The following NMD3 variants were observed in gnomAD, a reference collection of about 807,000 sequenced individuals.
The protein encoded by NMD3 is NMD3 ribosome export adaptor.
In NMD3, 47 loss-of-function variants were observed where a neutral mutation model predicts 73.1. The ratio of observed to expected loss-of-function variants is 0.64; its 90% CI spans 0.51 to 0.82. The LOEUF (loss-of-function observed/expected upper bound fraction) is 0.82. Ranked by LOEUF, NMD3 falls within the 40% of genes least tolerant of loss-of-function variation. The probability of loss-of-function intolerance (pLI) is 0.00; values close to 1 mark genes in which losing one functional copy is unlikely to be tolerated. For synonymous variants in NMD3, 210 were observed against 194.5 expected, an observed-to-expected ratio of 1.08 and a Z score of -0.66; for missense variants, 554 against 612.5, an observed-to-expected ratio of 0.90 and a Z score of 1.01.
downstream of NMD3, chr3:161,252,956 G>A (rs748555364): frequency 1.0e-5 from 5 of 479,774 alleles, no homozygotes; most frequent in African/African-American, 2.0e-5. Context: ...AAAATTATCC[G>A]GGCGTGGTGG....
intron 5 of NMD3, among the ~76,000 whole-genome samples, chr3:161,234,368 A>G (rs1468319971): frequency 6.6e-6 from 1 of 151,748 alleles, no homozygotes; most frequent in African/African-American, 2.4e-5. Context: ...CAGAAGTTGC[A>G]GTGAACCAAG....
At chr3:161,222,119 T>C in intron 2 of NMD3, 62 bp downstream of exon 2, 2 of 1,367,190 alleles carry the variant, frequency 1.5e-6, no homozygotes, top group Non-Finnish European at 1.0e-6. Context: ...CCCGGGAAAC[T>C]CACTATGGAG....
intron 10 of NMD3, among the ~76,000 whole-genome samples, chr3:161,241,814 C>T (rs1736997411): frequency 6.6e-6 from 1 of 152,048 alleles, no homozygotes; most frequent in Admixed American, 6.6e-5. Flanking sequence ...AATTTTGGAA[C>T]ATTTGGCTTT....
intron 4 of NMD3, 82 bp from the exon 5 acceptor site, chr3:161,233,314 TCTG>T: frequency 1.2e-6 from 1 of 838,684 alleles, no homozygotes; most frequent in Non-Finnish European, 2.0e-6. Flanking sequence ...TCTTATGAAA[TCTG>T]CTTATTGATG....
At chr3:161,247,746 G>A (rs192901902) in intron 13 of NMD3, among the ~76,000 whole-genome samples, 1 of 150,060 alleles carries the variant, frequency 6.7e-6, no homozygotes, top group Non-Finnish European at 1.5e-5. Context: ...CTGAGATTGC[G>A]CCGTTGCACT....
In NMD3 at chr3:161,227,379, T is replaced by C. The variant is rs145565492; in HGVS notation, c.276+36T>C. ...CAGCTAAAATCAGTATTCATAGGTA[T>C]GTTTTCATTAAAGGTCTCATTTTCA... is the stretch of plus-strand genomic sequence containing the variant. On this transcript the variant is annotated intron_variant, in intron 4 of 15. Coordinates refer to ENST00000351193, the MANE Select transcript of NMD3 (RefSeq NM_015938.5). 7.6e-4 allele frequency: 954 copies of C among 1,262,098 alleles called. 8 individuals carry two copies. In the African/African-American group the frequency reaches 0.013, roughly 17 times the overall value. The allele number at this position is 1,262,098 out of a possible 1,614,324, so 78.2% of individuals were successfully genotyped here.
chr3:161,225,381 G>T (rs938640294), intron 3 of NMD3, among the ~76,000 whole-genome samples: 1 of 151,988 alleles, frequency 6.6e-6, no homozygotes, highest in African/African-American at 2.4e-5. Context: ...AGGACATATT[G>T]TTATTATGAG....
At chr3:161,234,651 T>G in intron 5 of NMD3, 76 bp from the exon 6 acceptor site, 1 of 1,275,818 alleles carries the variant, frequency 7.8e-7, no homozygotes, top group Non-Finnish European at 1.1e-6. Context: ...AATTAAATAT[T>G]AAAGGTTCTT....
At chr3:161,226,299 C>G (rs1394992291) in intron 3 of NMD3, among the ~76,000 whole-genome samples, 2 of 151,706 alleles carry the variant, frequency 1.3e-5, no homozygotes, top group Non-Finnish European at 2.9e-5. Context: ...ACTAAAAATA[C>G]AAAAATTAGC....
downstream of NMD3, chr3:161,252,824 TGTG>T (rs887934832): frequency 1.4e-6 from 1 of 695,228 alleles, no homozygotes; most frequent in Non-Finnish European, 2.6e-6. Flanking sequence ...AGGGGCCAAG[TGTG>T]GTGGTTGACG....
upstream of NMD3, chr3:161,221,165 A>G (rs1006415283): frequency 6.6e-6 from 1 of 152,148 alleles, no homozygotes; most frequent in African/African-American, 2.4e-5. Flanking sequence ...AGCCCCTGGG[A>G]CTTCTCTCCG....
rs777448776 is a variant in NMD3, at chr3:161,241,064, T to C, written c.772T>C (p.Ser258Pro). 13 of 1,611,270 alleles carry C rather than the reference T, an allele frequency of 8.1e-6. No homozygotes were observed. In the Admixed American group the frequency reaches 1.3e-4, roughly 17 times the overall value. Residue 258 changes from serine (S) to proline (P), a missense_variant, in exon 10 of 16, where the codon TCT (serine) becomes CCT (proline). Ser to Pro is a moderately conservative substitution (Grantham distance 74). Transcript: ENST00000351193. ...PICKDNVVCL[S>P]PKLAQSLGNM... ...TGCCTAGGATAATGTTGTCTGTCTG[T>C]CTCCAAAACTGGCACAAAGCCTGGG... is the stretch of plus-strand genomic sequence containing the variant.
At chr3:161,236,385 G>T (rs1329560757) in intron 7 of NMD3, among the ~76,000 whole-genome samples, 2 of 152,074 alleles carry the variant, frequency 1.3e-5, no homozygotes, top group Non-Finnish European at 2.9e-5. Flanking sequence ...CTAGAGGGTG[G>T]TATGAAGTGG....
intron 9 of NMD3, among the ~76,000 whole-genome samples, chr3:161,240,178 A>G (rs1231114153): frequency 6.6e-6 from 1 of 152,204 alleles, no homozygotes; most frequent in Non-Finnish European, 1.5e-5. Context: ...GAATAGATAC[A>G]CCTTAAAATA....
chr3:161,238,923 G>T, intron 9 of NMD3, 97 bp downstream of exon 9: 1 of 579,984 alleles, frequency 1.7e-6, no homozygotes, highest in Non-Finnish European at 3.0e-6. Flanking sequence ...CTCTAGGGTT[G>T]GTTAAAAATT....
At chr3:161,245,141 C>T (rs1737149879) in intron 11 of NMD3, among the ~76,000 whole-genome samples, 1 of 133,686 alleles carries the variant, frequency 7.5e-6, no homozygotes, top group Non-Finnish European at 1.6e-5. Context: ...CCAGGGTACC[C>T]TTGTGTGTGT....
intron 11 of NMD3, 44 bp downstream of exon 11, chr3:161,242,697 GTTA>G: frequency 1.9e-6 from 3 of 1,568,396 alleles, no homozygotes; most frequent in Non-Finnish European, 2.6e-6. Flanking sequence ...TTTCCCCTCA[GTTA>G]TTATTGTTTC....
At chr3:161,224,234 G>T (rs1736218011) in intron 2 of NMD3, among the ~76,000 whole-genome samples, 2 of 152,052 alleles carry the variant, frequency 1.3e-5, no homozygotes, top group South Asian at 4.2e-4. Flanking sequence ...AAAATAAATT[G>T]AGTTTCTCAG....
intron 3 of NMD3, among the ~76,000 whole-genome samples, chr3:161,225,764 C>A (rs939089956): frequency 6.6e-6 from 1 of 151,980 alleles, no homozygotes; most frequent in East Asian, 1.9e-4. Context: ...GGTTCATGGA[C>A]TCCTTTGAGA....
Sources: allele counts gnomAD v4.1 joint callset (sites outside exome capture counted in the v4.1 genomes callset), GRCh38; gene constraint gnomAD v4.1.1; transcripts MANE v1.5; gene names NCBI Gene and HGNC (gene_info 2026-07-23, HGNC 2026-07-21).